NDUFAF6: variants seen among roughly 807,000 people sequenced by gnomAD.
NDUFAF6 encodes NADH dehydrogenase (ubiquinone) complex I, assembly factor 6.
NDUFAF6 carries 45 observed loss-of-function variants against 40.8 expected under a neutral mutation model. The ratio of observed to expected loss-of-function variants is 1.10; its 90% CI spans 0.87 to 1.42. NDUFAF6 has a LOEUF of 1.42. Ranked by LOEUF, NDUFAF6 falls within the 40% of genes most tolerant of loss-of-function variation. The pLI, the probability that NDUFAF6 is intolerant of heterozygous loss-of-function variation, is 0.00. For synonymous variants in NDUFAF6, 185 were observed against 155.9 expected (o/e 1.19, Z -1.39); for missense variants, 435 against 418.5 (o/e 1.04, Z -0.34).
intron 2 of NDUFAF6, among the ~76,000 whole-genome samples, chr8:94,981,737 A>G (rs1024986359): frequency 1.1e-4 from 16 of 152,286 alleles, no homozygotes; most frequent in East Asian, 3.9e-4. Flanking sequence ...CTTTTGACCA[A>G]TGCTTCCATG....
chr8:95,064,570 T>G, intron 9 of NDUFAF6, among the ~76,000 whole-genome samples: 1 of 151,948 alleles, frequency 6.6e-6, no homozygotes, highest in African/African-American at 2.4e-5. Context: ...TGTGCGCGCG[T>G]GCGTGTGCAT....
intron 1 of NDUFAF6, among the ~76,000 whole-genome samples, chr8:94,964,499 T>C (rs1823851943): frequency 6.6e-6 from 1 of 151,184 alleles, no homozygotes; most frequent in Non-Finnish European, 1.5e-5. Flanking sequence ...TTTATATGGC[T>C]CGCAGTTCTG....
intron 9 of NDUFAF6, chr8:95,068,384 A>C (rs2132026981): frequency 6.6e-6 from 1 of 152,066 alleles, no homozygotes; most frequent in Non-Finnish European, 1.5e-5. Context: ...TTGGCATTGT[A>C]CAGAGATCCA....
rs1010224858 is a variant in NDUFAF6, at chr8:95,087,434, T to C, written n.213+11682T>C. Among the ~76,000 whole-genome samples, 7 of 152,324 alleles carry C rather than the reference T, an allele frequency of 4.6e-5. No individual in the cohort carries two copies. The South Asian group carries it at 1.4e-3, about 32-fold the overall frequency. On this transcript the variant is annotated intron_variant and non_coding_transcript_variant, in intron 2 of 5. Coordinates refer to the NDUFAF6 transcript ENST00000523184. ...TATTTCCTCCAAAGTTTCCTGGGAC[T>C]TTTTTTCATCCCATCATTTGGCTGT...
chr8:94,940,680 G>T, intron 1 of NDUFAF6: 1 of 620,380 alleles, frequency 1.6e-6, no homozygotes, highest in Non-Finnish European at 2.8e-6. Context: ...ATCTAGCACA[G>T]ATGGTTTCCT....
intron 2 of NDUFAF6, among the ~76,000 whole-genome samples, chr8:94,993,393 C>G (rs1345693073): frequency 1.3e-5 from 2 of 152,214 alleles, no homozygotes; most frequent in Non-Finnish European, 1.5e-5. Flanking sequence ...CTGTCCTCCC[C>G]AGTAAGGGGT....
chr8:95,000,342 A>C (rs1826663749), intron 2 of NDUFAF6, among the ~76,000 whole-genome samples: 1 of 152,108 alleles, frequency 6.6e-6, no homozygotes. Flanking sequence ...TGTCTGAAAA[A>C]AATGAAAGCT....
intron 1 of NDUFAF6, among the ~76,000 whole-genome samples, chr8:94,900,515 G>T (rs1563692893): frequency 1.3e-5 from 2 of 152,204 alleles, no homozygotes; most frequent in South Asian, 4.1e-4. Flanking sequence ...GACGTAGACA[G>T]CGCACCTCAG....
At chr8:95,069,812 A>AAAT (rs1832794788) in intron 9 of NDUFAF6, among the ~76,000 whole-genome samples, 1 of 143,900 alleles carries the variant, frequency 6.9e-6, no homozygotes, top group Non-Finnish European at 1.5e-5. Context: ...TATATATATA[A>AAAT]ATATATATAT....
At chr8:94,945,846 G>GCAGTTTC (rs1821937519) in intron 2 of NDUFAF6, among the ~76,000 whole-genome samples, 1 of 152,182 alleles carries the variant, frequency 6.6e-6, no homozygotes, top group South Asian at 2.1e-4. Flanking sequence ...CGTCAGTCCA[G>GCAGTTTC]CAGTTTCCCC....
chr8:95,002,962 A>G (rs1826802020), intron 2 of NDUFAF6, among the ~76,000 whole-genome samples: 1 of 152,210 alleles, frequency 6.6e-6, no homozygotes, highest in Non-Finnish European at 1.5e-5. Context: ...TTGCGTGGAA[A>G]TTGGCCACAG....
intron 1 of NDUFAF6, among the ~76,000 whole-genome samples, chr8:95,026,036 C>T (rs1467077718): frequency 6.6e-6 from 1 of 152,032 alleles, no homozygotes; most frequent in African/African-American, 2.4e-5. Context: ...CAAGGACTTA[C>T]CAAAAGTACT....
chr8:94,980,820 C>T (rs1586886841), intron 1 of NDUFAF6: 13 of 407,870 alleles, frequency 3.2e-5, no homozygotes, highest in East Asian at 7.2e-5. Context: ...TCCATTACCC[C>T]TTTTCTCCAT....
intron 1 of NDUFAF6, among the ~76,000 whole-genome samples, chr8:94,921,838 G>A (rs569408582): frequency 4.1e-4 from 62 of 152,304 alleles, no homozygotes; most frequent in African/African-American, 1.5e-3. Flanking sequence ...GAAATAGGAG[G>A]CAGAAGGCCA....
At chr8:94,931,609 C>CACAT (rs146282014) in intron 1 of NDUFAF6, among the ~76,000 whole-genome samples, 156 of 151,678 alleles carry the variant, frequency 1.0e-3, no homozygotes, top group African/African-American at 3.4e-3. Context: ...CACACACACA[C>CACAT]ATAAAATTTT....
chr8:95,086,621 G>A (rs1377491953), intron 2 of NDUFAF6, among the ~76,000 whole-genome samples: 1 of 121,424 alleles, frequency 8.2e-6, no homozygotes, highest in Non-Finnish European at 1.7e-5. Context: ...TTTTTTTTTC[G>A]AGACGGAGTT....
chr8:94,922,227 G>A (rs1231857859), intron 1 of NDUFAF6, among the ~76,000 whole-genome samples: 1 of 152,006 alleles, frequency 6.6e-6, no homozygotes, highest in African/African-American at 2.4e-5. Context: ...AGCCAGGATG[G>A]TCTCGATCTC....
intron 1 of NDUFAF6, among the ~76,000 whole-genome samples, chr8:94,964,897 A>G (rs980014065): frequency 6.6e-6 from 1 of 152,218 alleles, no homozygotes. Context: ...TGATACATCC[A>G]GAAAGCATGG....
At chr8:95,093,283 G>A (rs1237463223) in intron 2 of NDUFAF6, among the ~76,000 whole-genome samples, 1 of 152,104 alleles carries the variant, frequency 6.6e-6, no homozygotes, top group Non-Finnish European at 1.5e-5. Context: ...TCTATCTTTG[G>A]GGTTGTGAGA....
Sources: allele counts gnomAD v4.1 joint callset (sites outside exome capture counted in the v4.1 genomes callset), GRCh38; gene constraint gnomAD v4.1.1; transcripts MANE v1.5; gene names NCBI Gene and HGNC (gene_info 2026-07-23, HGNC 2026-07-21).